The following NMNAT3 variants were observed in gnomAD, a reference collection of about 807,000 sequenced individuals.
The protein encoded by NMNAT3 is nicotinamide nucleotide adenylyltransferase 3.
Under a neutral mutation model 24.8 loss-of-function variants are expected in NMNAT3, and 21 were observed. The ratio of observed to expected loss-of-function variants is 0.85; its 90% CI spans 0.60 to 1.22. The LOEUF is 1.22. NMNAT3 is among the 50% of genes most tolerant of loss of function. The pLI, the probability that NMNAT3 is intolerant of heterozygous loss-of-function variation, is 0.00. For synonymous variants in NMNAT3, 136 were observed against 155.2 expected (o/e 0.88, Z 0.92); for missense variants, 387 against 436.6 (o/e 0.89, Z 1.01).
At chr3:139,664,406 A>C (rs1336613119) in intron 1 of NMNAT3, among the ~76,000 whole-genome samples, 1 of 152,186 alleles carries the variant, frequency 6.6e-6, no homozygotes, top group Non-Finnish European at 1.5e-5. Context: ...TCTGTGAAAA[A>C]TGAGTGGTCC....
chr3:139,671,258 G>A (rs1357615676), intron 1 of NMNAT3, among the ~76,000 whole-genome samples: 1 of 152,078 alleles, frequency 6.6e-6, no homozygotes, highest in South Asian at 2.1e-4. Flanking sequence ...TAATGTAACC[G>A]CATTCTGTTC....
chr3:139,602,584 A>G (rs2054764310), intron 3 of NMNAT3, among the ~76,000 whole-genome samples: 1 of 152,306 alleles, frequency 6.6e-6, no homozygotes, highest in East Asian at 1.9e-4. Context: ...TTAATTATTC[A>G]CAAGCATCCC....
intron 3 of NMNAT3, among the ~76,000 whole-genome samples, chr3:139,592,222 A>T (rs2108173283): frequency 6.6e-6 from 1 of 152,350 alleles, no homozygotes; most frequent in African/African-American, 2.4e-5. Context: ...GGTATCAGCG[A>T]TGGAAGATGA....
intron 3 of NMNAT3, among the ~76,000 whole-genome samples, chr3:139,593,782 T>C (rs2054314222): frequency 6.8e-6 from 1 of 147,964 alleles, no homozygotes. Context: ...AGACACAACA[T>C]ACCAGAATCT....
At chr3:139,646,835 G>A (rs1363786070) in intron 1 of NMNAT3, among the ~76,000 whole-genome samples, 1 of 152,250 alleles carries the variant, frequency 6.6e-6, no homozygotes, top group Non-Finnish European at 1.5e-5. Flanking sequence ...AGGGAGGACT[G>A]AAGAGTTTGA....
At chr3:139,567,430 C>T (rs1937413594) in intron 6 of NMNAT3, 1 of 152,182 alleles carries the variant, frequency 6.6e-6, no homozygotes, top group South Asian at 2.1e-4. Context: ...GCATCCCTGT[C>T]TTGTGCCCGT....
At chr3:139,569,618 A>T (rs1436576921) in intron 6 of NMNAT3, 2 of 152,128 alleles carry the variant, frequency 1.3e-5, no homozygotes, top group Non-Finnish European at 2.9e-5. Context: ...GTTTGGCTGG[A>T]TATGAAATTC....
At chr3:139,572,999 A>G (rs538509644) in intron 6 of NMNAT3, among the ~76,000 whole-genome samples, 1 of 152,194 alleles carries the variant, frequency 6.6e-6, no homozygotes, top group African/African-American at 2.4e-5. Context: ...GCATGAGAGC[A>G]TTATGCATTT....
At chr3:139,649,640 TAGCTA>T (rs2056989902) in intron 1 of NMNAT3, among the ~76,000 whole-genome samples, 1 of 152,122 alleles carries the variant, frequency 6.6e-6, no homozygotes, top group Admixed American at 6.5e-5. Flanking sequence ...CCTGCACGGT[TAGCTA>T]TTGTACGCAG....
chr3:139,664,279 A>G (rs1362222880), intron 1 of NMNAT3, among the ~76,000 whole-genome samples: 1 of 152,226 alleles, frequency 6.6e-6, no homozygotes, highest in Admixed American at 6.5e-5. Flanking sequence ...ATCACCATCC[A>G]TGGTAGGCAG....
chr3:139,666,983 A>G (rs2057603842), intron 1 of NMNAT3, among the ~76,000 whole-genome samples: 1 of 152,168 alleles, frequency 6.6e-6, no homozygotes. Context: ...TTATTGATTG[A>G]TAGAATGGTT....
chr3:139,647,018 AT>A (rs2056894153), intron 1 of NMNAT3, among the ~76,000 whole-genome samples: 1 of 152,260 alleles, frequency 6.6e-6, no homozygotes, highest in Non-Finnish European at 1.5e-5. Flanking sequence ...ATCTGGGAAG[AT>A]TTAAAAAATG....
At chr3:139,631,987 T>G (rs1406952640) in intron 2 of NMNAT3, among the ~76,000 whole-genome samples, 2 of 152,182 alleles carry the variant, frequency 1.3e-5, no homozygotes, top group East Asian at 1.9e-4. Context: ...GGTCCCACTT[T>G]GTTGTCCAGT....
intron 3 of NMNAT3, among the ~76,000 whole-genome samples, chr3:139,610,688 C>T (rs2034522339): frequency 6.6e-6 from 1 of 152,198 alleles, no homozygotes; most frequent in African/African-American, 2.4e-5. Context: ...GTGGTATCTC[C>T]TAAAGCCCAG....
In NMNAT3 at chr3:139,560,670, A is replaced by T. The variant is rs1936266875; in HGVS notation, c.*340T>A. 1 of 232,242 alleles carries T rather than the reference A, an allele frequency of 4.3e-6. No individual in the cohort carries two copies. The highest frequency in any genetic ancestry group is 2.2e-5 in the African/African-American group (1 of 44,470). The allele number at this position is 232,242 out of a possible 1,614,324, so 14.4% of individuals were successfully genotyped here. ...GATCTGACCCTCAGGGGCCGCTGCCATGCTCAGAACTGCATTCAGCGTGCA... is the reference window on the plus strand; with the variant it reads ...GATCTGACCCTCAGGGGCCGCTGCCTTGCTCAGAACTGCATTCAGCGTGCA... On this transcript the variant is annotated 3_prime_UTR_variant, in exon 7 of 7. Transcript: ENST00000643695.
chr3:139,594,606 T>C (rs1484915547), intron 3 of NMNAT3, among the ~76,000 whole-genome samples: 1 of 152,194 alleles, frequency 6.6e-6, no homozygotes, highest in Non-Finnish European at 1.5e-5. Context: ...TCAAAAAGCT[T>C]ATCCACCATG....
chr3:139,569,600 G>A (rs1251895515), intron 6 of NMNAT3: 1 of 152,140 alleles, frequency 6.6e-6, no homozygotes, highest in East Asian at 1.9e-4. Flanking sequence ...CTTCACTTAT[G>A]AAGCTTAGTT....
intron 1 of NMNAT3, among the ~76,000 whole-genome samples, chr3:139,676,786 C>T (rs1459710886): frequency 6.6e-6 from 1 of 152,176 alleles, no homozygotes; most frequent in African/African-American, 2.4e-5. Context: ...CTACTCAGAA[C>T]CACTTATTTG....
At chr3:139,600,798 A>G (rs1301226569) in intron 3 of NMNAT3, among the ~76,000 whole-genome samples, 2 of 152,118 alleles carry the variant, frequency 1.3e-5, no homozygotes, top group East Asian at 1.9e-4. Context: ...GAGCCCTTAC[A>G]TAGCTTCCAG....
Sources: allele counts gnomAD v4.1 joint callset (sites outside exome capture counted in the v4.1 genomes callset), GRCh38; gene constraint gnomAD v4.1.1; transcripts MANE v1.5; gene names NCBI Gene and HGNC (gene_info 2026-07-23, HGNC 2026-07-21).